Variants in CACNB4 observed in about 807,000 individuals in gnomAD.
The protein encoded by CACNB4 is voltage-dependent L-type calcium channel subunit beta-4.
In CACNB4, 32 loss-of-function variants were observed where a neutral mutation model predicts 71.2. The observed-to-expected ratio is 0.45, with a 90% CI of 0.34 to 0.60. The LOEUF is 0.60. Ranked by LOEUF, CACNB4 falls within the 20% of genes least tolerant of loss-of-function variation. CACNB4 has a pLI of 0.01. For synonymous variants in CACNB4, 231 were observed against 236.9 expected (o/e 0.97, Z 0.23); for missense variants, 464 against 647.9 (o/e 0.72, Z 3.08).
At chr2:151,855,889 G>C (rs2099840171) in intron 10 of CACNB4, among the ~76,000 whole-genome samples, 1 of 151,924 alleles carries the variant, frequency 6.6e-6, no homozygotes, top group South Asian at 2.1e-4. Flanking sequence ...TTGTACCACT[G>C]GTTAATTGTT....
At chr2:151,988,394 C>T (rs1003450531) in intron 2 of CACNB4, among the ~76,000 whole-genome samples, 3 of 152,076 alleles carry the variant, frequency 2.0e-5, no homozygotes, top group Non-Finnish European at 4.4e-5. Context: ...CACATCCTGG[C>T]GGATTCTAAA....
At chr2:151,851,324 T>C (rs573630939) in intron 12 of CACNB4, 4 of 152,332 alleles carry the variant, frequency 2.6e-5, no homozygotes, top group Admixed American at 2.0e-4. Context: ...TTTAATAAAG[T>C]AAACAGTGTT....
chr2:151,875,007 C>A lies in CACNB4; in HGVS notation c.521+1419G>T, dbSNP rs542022723. The A allele has an allele frequency of 1.6e-3, 655 of 404,486 alleles. 2 individuals carry two copies. The highest frequency in any genetic ancestry group is 2.5e-3 in the South Asian group (21 of 8,276). The allele number at this position is 404,486 out of a possible 1,614,324, so 25.1% of individuals were successfully genotyped here. A position where few individuals can be genotyped will look rare whatever the true frequency, so the allele number is the denominator to read the frequency against. On this transcript the variant is annotated intron_variant, in intron 5 of 13. Coordinates refer to ENST00000539935, the MANE Select transcript of CACNB4 (RefSeq NM_000726.5). ...AAGGTACTATCAGTGCCGGGACCTG[C>A]ACATACCATCACATTTTTTTTTTTT... is the stretch of plus-strand genomic sequence containing the variant.
intron 9 of CACNB4, chr2:151,861,692 AC>A (rs2151378522): frequency 6.6e-6 from 1 of 151,944 alleles, no homozygotes; most frequent in Admixed American, 6.5e-5. Flanking sequence ...AAATACAAAA[AC>A]TAGCCAGGCA....
intron 2 of CACNB4, among the ~76,000 whole-genome samples, chr2:152,004,138 A>T (rs1439861260): frequency 2.0e-5 from 3 of 152,198 alleles, no homozygotes; most frequent in Non-Finnish European, 4.4e-5. Context: ...CAACTTTGAC[A>T]AATCTTTGTA....
chr2:152,038,316 C>T (rs979663083), intron 2 of CACNB4, among the ~76,000 whole-genome samples: 2 of 152,216 alleles, frequency 1.3e-5, no homozygotes, highest in Non-Finnish European at 2.9e-5. Context: ...CAACAGCCCT[C>T]CCCGGCCTTT....
chr2:152,001,416 C>T (rs1410118343), intron 2 of CACNB4, among the ~76,000 whole-genome samples: 2 of 149,218 alleles, frequency 1.3e-5, no homozygotes, highest in South Asian at 2.1e-4. Flanking sequence ...CGGCCAGGCA[C>T]GGTGGCGCAT....
intron 2 of CACNB4, among the ~76,000 whole-genome samples, chr2:151,903,671 A>C (rs1013827923): frequency 8.5e-5 from 13 of 152,210 alleles, no homozygotes; most frequent in Admixed American, 2.6e-4. Context: ...ACACTTTTCC[A>C]AACATATCTC....
Position 152,083,253 on chromosome 2 carries a change from C to T in CACNB4, c.147+15077G>A, listed in dbSNP as rs113029316. On this transcript the variant is annotated intron_variant, in intron 2 of 13. Coordinates refer to ENST00000539935, the MANE Select transcript of CACNB4 (RefSeq NM_000726.5). The stretch of plus-strand genomic sequence containing the variant: ...ATGTGTGTACACATGCACACAAGCA[C>T]GTGTACACATGTGTGTGTGTGCTGC... Among the ~76,000 whole-genome samples the T allele has an allele frequency of 3.6e-3, 549 of 151,752 alleles. 2 individuals carry two copies. Among genetic ancestry groups the T allele is most frequent in the African/African-American group, 0.012 (504 of 41,318 alleles).
At chr2:152,089,106 A>G (rs1245304685) in intron 2 of CACNB4, among the ~76,000 whole-genome samples, 4 of 152,338 alleles carry the variant, frequency 2.6e-5, no homozygotes, top group Admixed American at 1.3e-4. Context: ...GGTTAAATCC[A>G]TGTGAAATTC....
chr2:151,844,101 A>G (rs550716283), intron 12 of CACNB4, among the ~76,000 whole-genome samples: 1 of 152,264 alleles, frequency 6.6e-6, no homozygotes, highest in Admixed American at 6.5e-5. Context: ...TGCATATTTT[A>G]TTCATTCATA....
intron 2 of CACNB4, chr2:151,973,803 T>C: frequency 6.5e-7 from 1 of 1,545,702 alleles, no homozygotes; most frequent in African/African-American, 1.4e-5. Context: ...AAAGGCCTGT[T>C]TGGGAGAACT....
chr2:152,060,055 C>T (rs948007604), intron 2 of CACNB4, among the ~76,000 whole-genome samples: 2 of 152,182 alleles, frequency 1.3e-5, no homozygotes, highest in African/African-American at 4.8e-5. Flanking sequence ...TGAGGCCTCC[C>T]AAGACATGTG....
Position 151,834,378 on chromosome 2 carries a change from T to A in CACNB4, c.*4741A>T, listed in dbSNP as rs1008794859. On this transcript the variant is annotated 3_prime_UTR_variant, in exon 14 of 14. Transcript: ENST00000539935. The stretch of plus-strand genomic sequence containing the variant: ...CCCCAAACCAATTGCTACTCACTCT[T>A]AATTATACTTTGTTTATGGCAAGTA... 3 of 152,130 alleles carry A rather than the reference T, an allele frequency of 2.0e-5. No individual in the cohort carries two copies. Among genetic ancestry groups the A allele is most frequent in the African/African-American group, 7.2e-5 (3 of 41,574 alleles). The allele number at this position is 152,130 out of a possible 1,614,324, so 9.4% of individuals were successfully genotyped here.
chr2:152,029,277 G>A (rs1050355487), intron 2 of CACNB4, among the ~76,000 whole-genome samples: 5 of 151,862 alleles, frequency 3.3e-5, no homozygotes, highest in South Asian at 2.1e-4. Context: ...GGCGGATCAC[G>A]AGGTCAGGAG....
At position 151,925,014 on chromosome 2, in the gene CACNB4, G is replaced by T. The variant is rs74940564; in HGVS notation, c.148-41644C>A. 9.5e-3 allele frequency among the ~76,000 whole-genome samples: 1,437 copies of T among 151,964 alleles called. 17 individuals are homozygous for T. Among genetic ancestry groups the T allele is most frequent in the African/African-American group, 0.032 (1,341 of 41,434 alleles). ...TTATGATATGGATCATATTTGTATT[G>T]TACTCAGCTGTTTATTCCTCTGCCT... On this transcript the variant is annotated intron_variant, in intron 2 of 13. Transcript: ENST00000539935.
chr2:151,960,547 TG>T (rs1415344023), intron 2 of CACNB4, among the ~76,000 whole-genome samples: 1 of 152,188 alleles, frequency 6.6e-6, no homozygotes, highest in African/African-American at 2.4e-5. Flanking sequence ...GGGAGGGCAG[TG>T]AAGCAAAAGG....
chr2:151,922,374 A>G (rs1288905906), intron 2 of CACNB4, among the ~76,000 whole-genome samples: 1 of 151,928 alleles, frequency 6.6e-6, no homozygotes, highest in Non-Finnish European at 1.5e-5. Context: ...GGCTAATTTT[A>G]TAATTTTTTG....
rs182201753 is a variant in CACNB4 at position 152,082,450 on chromosome 2, G to A, written c.147+15880C>T. ...GGGAATTGGATCCAGGACCCTCCAT[G>A]GATACCAAAGTCCTTGATGCTTGAG... On this transcript the variant is annotated intron_variant, in intron 2 of 13. Transcript: ENST00000539935. 8.1e-4 allele frequency among the ~76,000 whole-genome samples: 123 copies of A among 152,306 alleles called. 1 individual carries two copies. Among genetic ancestry groups the A allele is most frequent in the Admixed American group, 7.7e-3 (118 of 15,302 alleles).
Sources: gnomAD v4.1 joint callset for allele counts (sites outside exome capture counted in the v4.1 genomes callset) on GRCh38, gnomAD v4.1.1 for gene constraint, MANE v1.5 for transcripts, NCBI Gene and HGNC (gene_info 2026-07-23, HGNC 2026-07-21) for gene names.